NMT1: variants seen among roughly 807,000 people sequenced by gnomAD.
NMT1 encodes glycylpeptide N-tetradecanoyltransferase 1.
Under a neutral mutation model 63.4 loss-of-function variants are expected in NMT1, and 12 were observed. The ratio of observed to expected loss-of-function variants is 0.19; its 90% CI spans 0.12 to 0.31. The LOEUF (loss-of-function observed/expected upper bound fraction) is 0.31, where lower values mean the gene tolerates loss of function less well. NMT1 is among the 10% of genes least tolerant of loss of function. The pLI, the probability that NMT1 is intolerant of heterozygous loss-of-function variation, is 1.00. For synonymous variants in NMT1, 228 were observed against 234.3 expected, an observed-to-expected ratio of 0.97 and a Z score of 0.25; for missense variants, 432 against 634.6, an observed-to-expected ratio of 0.68 and a Z score of 3.43.
intron 1 of NMT1, among the ~76,000 whole-genome samples, chr17:45,075,356 C>T (rs2053970679): frequency 1.3e-5 from 2 of 150,828 alleles, no homozygotes; most frequent in East Asian, 2.0e-4. Context: ...TGATGCTGGG[C>T]GCCTGTAATC....
At position 45,098,527 on chromosome 17, in the gene NMT1, C is replaced by G. The variant is rs759663986; in HGVS notation, c.859C>G (p.Leu287Val). The change falls in exon 7 of 12, where the codon CTA becomes GTA. Residue 287 changes from leucine to valine, a missense_variant. Leu to Val is a conservative substitution (Grantham distance 32, BLOSUM62 1). Around this residue, in one of 4 missense-constraint regions of NMT1, gnomAD observed 295 missense variants for 489.7 expected, o/e 0.60. Transcript: ENST00000258960. ...AGCAGTTTACACTGCCGGGGTGGTACTACCAAAGCCCGTTGGCACCTGCAG... is the reference window on the plus strand; with the variant it reads ...AGCAGTTTACACTGCCGGGGTGGTAGTACCAAAGCCCGTTGGCACCTGCAG... ...FQAVYTAGVV[L>V]PKPVGTCRYW... 4.3e-6 allele frequency: 7 copies of G among 1,613,988 alleles called. No homozygotes were observed. In the South Asian group the frequency reaches 7.7e-5, roughly 18 times the overall value.
chr17:45,077,622 T>A (rs2053986445), intron 1 of NMT1, among the ~76,000 whole-genome samples: 1 of 152,196 alleles, frequency 6.6e-6, no homozygotes, highest in South Asian at 2.1e-4. Context: ...ACTCCCGACC[T>A]CAGGTGATCC....
intron 1 of NMT1, among the ~76,000 whole-genome samples, chr17:45,070,165 G>A (rs1442238010): frequency 6.6e-6 from 1 of 152,110 alleles, no homozygotes; most frequent in African/African-American, 2.4e-5. Context: ...ACTATCCCAG[G>A]GAGGGCCGAG....
chr17:45,095,110 CTTTT>C (rs36075240), intron 4 of NMT1, among the ~76,000 whole-genome samples: 5 of 141,870 alleles, frequency 3.5e-5, no homozygotes, highest in Non-Finnish European at 7.6e-5. Flanking sequence ...TGCGCCCAGT[CTTTT>C]TTTTTTTTTT....
At chr17:45,074,483 T>A (rs1376194904) in intron 1 of NMT1, among the ~76,000 whole-genome samples, 1 of 152,198 alleles carries the variant, frequency 6.6e-6, no homozygotes, top group African/African-American at 2.4e-5. Context: ...CCTCCCAAAG[T>A]GCTGGTATTA....
chr17:45,099,818 G>A (rs1349862175), intron 8 of NMT1: 3 of 334,194 alleles, frequency 9.0e-6, no homozygotes, highest in African/African-American at 4.2e-5. Context: ...ATAGAATGAT[G>A]AATCCACTTA....
rs2054188869 is a variant in NMT1, at chr17:45,104,260, T to TG, written c.1332+386dup. 8.4e-7 allele frequency: 1 copy of TG among 1,194,566 alleles called. No individual in the cohort carries two copies. The highest frequency in any genetic ancestry group is 3.9e-5 in the Admixed American group (1 of 25,568). The allele number at this position is 1,194,566 out of a possible 1,614,324, so 74.0% of individuals were successfully genotyped here. A position where few individuals can be genotyped will look rare whatever the true frequency, so the allele number is the denominator to read the frequency against. ...GGAGCATCCAACTGCCAGTAGCGGA[T>TG]GGCGAGCCCGTCTGTCAGTGCTTTG... is the stretch of plus-strand genomic sequence containing the variant. On this transcript the variant is annotated intron_variant, in intron 10 of 11. Transcript: ENST00000258960. The surrounding 1 kb of genome is among the most constrained non-coding windows in gnomAD (Gnocchi z 4.2).
intron 1 of NMT1, among the ~76,000 whole-genome samples, chr17:45,076,453 A>C (rs1042905331): frequency 2.2e-4 from 32 of 144,276 alleles, no homozygotes; most frequent in Middle Eastern, 3.7e-3. Context: ...TCATTAAAGA[A>C]AAAAAAAAAA....
chr17:45,063,303 A>T (rs981131667), intron 1 of NMT1, among the ~76,000 whole-genome samples: 2 of 152,042 alleles, frequency 1.3e-5, no homozygotes, highest in Non-Finnish European at 2.9e-5. Flanking sequence ...GCTGTAACTC[A>T]CAACAGATCT....
Position 45,086,570 on chromosome 17 carries a change from G to A in NMT1, c.303G>A (p.Val101=). ...EIQKAIELFS[V]GQGPAKTMEE... is the part of the protein sequence containing the mutation. ...AGAAGGCCATTGAGCTGTTCTCAGT[G>A]GGTCAGGGACCTGCCAAAACCATGG... The change falls in exon 3 of 12, where the codon GTG becomes GTA. Residue 101 remains valine (V), a synonymous_variant. Transcript: ENST00000258960. 1 of 1,613,756 alleles carries A rather than the reference G, an allele frequency of 6.2e-7. No individual in the cohort carries two copies. Among genetic ancestry groups the A allele is most frequent in the Middle Eastern group, 1.6e-4 (1 of 6,062 alleles).
At chr17:45,100,722 G>T (rs1221094775) in intron 8 of NMT1, among the ~76,000 whole-genome samples, 2 of 149,650 alleles carry the variant, frequency 1.3e-5, no homozygotes, top group Admixed American at 6.7e-5. Flanking sequence ...TTAGCTGGTC[G>T]TGGCGTGGCG....
intron 5 of NMT1, 63 bp downstream of exon 5, chr17:45,096,348 G>A: frequency 7.4e-7 from 1 of 1,354,962 alleles, no homozygotes; most frequent in Non-Finnish European, 1.1e-6. Context: ...CCACCAGAGG[G>A]CACCAGAGTT....
chr17:45,095,861 T>C (rs1404649912), intron 4 of NMT1, among the ~76,000 whole-genome samples: 1 of 152,194 alleles, frequency 6.6e-6, no homozygotes, highest in Admixed American at 6.5e-5. Context: ...TGGTAATTCC[T>C]TGACTAGCTT....
chr17:45,063,059 G>A (rs1373278055), intron 1 of NMT1, among the ~76,000 whole-genome samples: 1 of 151,908 alleles, frequency 6.6e-6, no homozygotes, highest in Non-Finnish European at 1.5e-5. Context: ...AAAAAATTTA[G>A]CCGGGCGTGG....
chr17:45,099,473 T>C lies in NMT1; in HGVS notation c.953T>C (p.Met318Thr). 1.2e-6 allele frequency: 2 copies of C among 1,614,134 alleles called. No homozygotes were observed. The highest frequency in any genetic ancestry group is 1.1e-5 in the South Asian group (1 of 91,082). ...EVKFSHLSRN[M>T]TMQRTMKLYR... ...AAGTTCTCCCACCTGAGCAGAAATATGACCATGCAGCGCACCATGAAGCTC... is the reference window on the plus strand; with the variant it reads ...AAGTTCTCCCACCTGAGCAGAAATACGACCATGCAGCGCACCATGAAGCTC... The change falls in exon 8 of 12, where the codon ATG becomes ACG. Residue 318 changes from methionine (M) to threonine (T), a missense_variant. By Grantham distance (81) the Met-to-Thr change is moderately conservative. Coordinates refer to ENST00000258960, the MANE Select transcript of NMT1 (RefSeq NM_021079.5).
chr17:45,078,918 C>T (rs554860292), intron 1 of NMT1, among the ~76,000 whole-genome samples: 22 of 152,106 alleles, frequency 1.4e-4, no homozygotes, highest in Non-Finnish European at 2.5e-4. Flanking sequence ...CTGCCTTTTC[C>T]TCCCAAAGTG....
At chr17:45,061,518 G>A in intron 1 of NMT1, 58 bp downstream of exon 1, 4 of 1,542,508 alleles carry the variant, frequency 2.6e-6, no homozygotes, top group Non-Finnish European at 3.5e-6. Context: ...GGGTCTCTGG[G>A]GTGCGGGGAA....
intron 1 of NMT1, among the ~76,000 whole-genome samples, chr17:45,078,501 C>A (rs1415817985): frequency 6.6e-6 from 1 of 151,900 alleles, no homozygotes; most frequent in East Asian, 1.9e-4. Context: ...TATATATATA[C>A]ACAGTATCTG....
intron 8 of NMT1, among the ~76,000 whole-genome samples, chr17:45,101,270 A>C (rs1005212708): frequency 6.6e-6 from 1 of 150,672 alleles, no homozygotes. Context: ...CACCCACCTC[A>C]GCCTCTCAAA....
Sources: allele counts gnomAD v4.1 joint callset (sites outside exome capture counted in the v4.1 genomes callset), GRCh38; gene constraint gnomAD v4.1.1; regional missense constraint gnomAD v4.1.1; non-coding constraint Gnocchi (gnomAD v3.1); transcripts MANE v1.5; gene names NCBI Gene and HGNC (gene_info 2026-07-23, HGNC 2026-07-21).